Variants in PDE4A observed in about 807,000 individuals in gnomAD.
The protein encoded by PDE4A is 3',5'-cyclic-AMP phosphodiesterase 4A.
In PDE4A, 21 loss-of-function variants were observed where a neutral mutation model predicts 73.9. That is an observed-to-expected ratio of 0.28 (90% CI 0.20 to 0.41). The LOEUF (loss-of-function observed/expected upper bound fraction) is 0.41. Among genes scored for constraint, PDE4A ranks in the 10% least tolerant of loss-of-function variants. PDE4A has a pLI of 1.00. For missense variants in PDE4A, 958 were observed against 1,211.4 expected (o/e 0.79, Z 3.10); for synonymous variants, 463 against 505.4 (o/e 0.92, Z 1.13).
chr19:10,462,683 C>G (rs2043293761), intron 13 of PDE4A, among the ~76,000 whole-genome samples: 1 of 152,100 alleles, frequency 6.6e-6, no homozygotes, highest in African/African-American at 2.4e-5. Flanking sequence ...TCCCATCTCT[C>G]CCACCATTTC....
chr19:10,444,403 C>T lies in PDE4A; in HGVS notation c.321-1815C>T, dbSNP rs534273207. 2.6e-5 allele frequency among the ~76,000 whole-genome samples: 4 copies of T among 151,400 alleles called. No homozygotes were observed. The East Asian group carries it at 7.8e-4, about 30-fold the overall frequency. On this transcript the variant is annotated intron_variant, in intron 1 of 14. Transcript: ENST00000380702. ...ATCCCAGCTACTCGGGAGACTAAGG[C>T]AGGAAAATCGCTTGAACCCAGGAGG...
intron 7 of PDE4A, among the ~76,000 whole-genome samples, chr19:10,455,170 A>G (rs543764359): frequency 1.3e-5 from 2 of 152,236 alleles, no homozygotes; most frequent in East Asian, 3.9e-4. Context: ...AAACTTTAAA[A>G]AGCCTCCAAG....
intron 2 of PDE4A, among the ~76,000 whole-genome samples, chr19:10,448,634 TAAA>T (rs573277641): frequency 1.5e-5 from 2 of 134,608 alleles, no homozygotes; most frequent in Non-Finnish European, 1.6e-5. Context: ...AGACTCTGTC[TAAA>T]AAAAAAAAAA....
chr19:10,443,612 G>C (rs1286147899), intron 1 of PDE4A, among the ~76,000 whole-genome samples: 1 of 152,028 alleles, frequency 6.6e-6, no homozygotes, highest in Non-Finnish European at 1.5e-5. Flanking sequence ...TACTTGGGAG[G>C]TGGAGGTGGA....
In PDE4A at chr19:10,439,982, C is replaced by CTTTTT. The variant is rs1162121051; in HGVS notation, c.321-6220_321-6216dup. ...CCTAATAGGCGTGACATGGTATCTC[C>CTTTTT]TTTTTTTTTTTTTTTTTTTTGAGAC... On this transcript the variant is annotated intron_variant, in intron 1 of 14. Coordinates refer to ENST00000380702, the MANE Select transcript of PDE4A (RefSeq NM_001111307.2). Among the ~76,000 whole-genome samples, 775 of 113,954 alleles carry CTTTTT rather than the reference C, an allele frequency of 6.8e-3. 14 individuals carry two copies. Among genetic ancestry groups the CTTTTT allele is most frequent in the East Asian group, 0.016 (56 of 3,530 alleles). 74.8% of individuals were successfully genotyped at this position (113,954 alleles called of 152,430 possible). A position where few individuals can be genotyped will look rare whatever the true frequency, so the allele number is the denominator to read the frequency against.
intron 1 of PDE4A, among the ~76,000 whole-genome samples, chr19:10,439,434 G>A (rs1270542759): frequency 2.6e-5 from 4 of 152,180 alleles, no homozygotes; most frequent in African/African-American, 7.2e-5. Context: ...TGCCCGCCTC[G>A]GCCTCCCAAA....
intron 1 of PDE4A, among the ~76,000 whole-genome samples, chr19:10,431,651 C>G (rs1449054648): frequency 2.0e-5 from 3 of 152,212 alleles, no homozygotes; most frequent in Non-Finnish European, 4.4e-5. Flanking sequence ...CTGGCTGGCC[C>G]TGGGGGCTTC....
chr19:10,461,751 T>C (rs1328520609), intron 12 of PDE4A, 71 bp downstream of exon 12: 21 of 1,593,288 alleles, frequency 1.3e-5, no homozygotes, highest in Non-Finnish European at 1.8e-5. Context: ...GAGGAGTGGG[T>C]CTGAGTCCCA....
rs542709412 is a variant in PDE4A, at chr19:10,462,619, A to G, written c.1743+620A>G. On this transcript the variant is annotated intron_variant, in intron 13 of 14. Transcript: ENST00000380702. ...TAGCTGGCGTGAGCCACCACACCTG[A>G]CCTCTTTCTGTCTGTCCCCTTCTCC... Among the ~76,000 whole-genome samples, 15 of 151,314 alleles carry G rather than the reference A, an allele frequency of 9.9e-5. No individual in the cohort carries two copies. In the South Asian group the frequency reaches 1.9e-3, roughly 19 times the overall value.
intron 1 of PDE4A, among the ~76,000 whole-genome samples, chr19:10,441,615 A>G (rs1322833435): frequency 6.6e-6 from 1 of 151,470 alleles, no homozygotes; most frequent in African/African-American, 2.4e-5. Context: ...TGCCAGATCT[A>G]ATGTCATGAA....
intron 11 of PDE4A, among the ~76,000 whole-genome samples, 171 bp downstream of exon 11, chr19:10,461,274 G>T (rs1221937147): frequency 6.9e-6 from 1 of 144,322 alleles, no homozygotes; most frequent in Non-Finnish European, 1.5e-5. Context: ...GGGCTGGCTG[G>T]GCTGGAAAGG....
rs866991084 is a variant in PDE4A at position 10,465,762 on chromosome 19, G to A, written c.1927-1125G>A. Among the ~76,000 whole-genome samples, 60 of 122,576 alleles carry A rather than the reference G, an allele frequency of 4.9e-4. 1 individual carries two copies. The highest frequency in any genetic ancestry group is 2.9e-4 in the South Asian group (1 of 3,498). 80.4% of individuals were successfully genotyped at this position (122,576 alleles called of 152,430 possible). On this transcript the variant is annotated intron_variant, in intron 14 of 14. Coordinates refer to ENST00000380702, the MANE Select transcript of PDE4A (RefSeq NM_001111307.2). ...GTTCCCCAGGCTGGAGTGCAATGGC[G>A]CGATCTTGGCTCACTGCAACCTCTG...
At position 10,453,105 on chromosome 19, in the gene PDE4A, A is replaced by C; in HGVS notation, c.784-1724A>C. 7.5e-7 allele frequency: 1 copy of C among 1,332,390 alleles called. No homozygotes were observed. Among genetic ancestry groups the C allele is most frequent in the Non-Finnish European group, 9.6e-7 (1 of 1,042,072 alleles). 82.5% of individuals were successfully genotyped at this position (1,332,390 alleles called of 1,614,324 possible). A position where few individuals can be genotyped will look rare whatever the true frequency, so the allele number is the denominator to read the frequency against. On this transcript the variant is annotated intron_variant, in intron 6 of 14. Transcript: ENST00000380702. The surrounding 1 kb of genome is among the most constrained non-coding windows in gnomAD (Gnocchi z 4.6). ...GGCTGCTGCTGGGAGCGCGGAGGGGAAGGGAGCCCCCAGCCCTGCTGGGCC... is the reference window on the plus strand; with the variant it reads ...GGCTGCTGCTGGGAGCGCGGAGGGGCAGGGAGCCCCCAGCCCTGCTGGGCC...
At chr19:10,433,484 A>T (rs1045054315) in intron 1 of PDE4A, among the ~76,000 whole-genome samples, 1 of 152,174 alleles carries the variant, frequency 6.6e-6, no homozygotes, top group Admixed American at 6.5e-5. Flanking sequence ...GGGGTCAGGG[A>T]CTGTCACAGT....
chr19:10,461,287 A>C (rs1355110708), intron 11 of PDE4A, among the ~76,000 whole-genome samples, 184 bp downstream of exon 11: 1 of 44,588 alleles, frequency 2.2e-5, no homozygotes, highest in East Asian at 6.1e-4. Context: ...TGGAAAGGGG[A>C]TGGCCGGGCA....
chr19:10,417,528 G>T, upstream of PDE4A: 4 of 1,436,818 alleles, frequency 2.8e-6, no homozygotes, highest in Non-Finnish European at 3.7e-6. Flanking sequence ...TCAGCGAGTG[G>T]CTCACACGTG....
At chr19:10,463,698 G>A in intron 13 of PDE4A, 95 bp from the exon 14 acceptor site, 1 of 1,564,778 alleles carries the variant, frequency 6.4e-7, no homozygotes, top group Non-Finnish European at 8.7e-7. Context: ...ACAGTGCCTG[G>A]CCCCCATTTC....
intron 1 of PDE4A, among the ~76,000 whole-genome samples, chr19:10,439,371 T>C (rs144344693): frequency 0.01 from 1,563 of 151,574 alleles, 17 homozygotes; most frequent in Non-Finnish European, 0.016. Flanking sequence ...TAGTAGAGAT[T>C]GGGTTTCACC....
intron 13 of PDE4A, 66 bp from the exon 14 acceptor site, chr19:10,463,727 C>T (rs2043315328): frequency 6.3e-7 from 1 of 1,590,586 alleles, no homozygotes; most frequent in African/African-American, 1.3e-5. Flanking sequence ...GAAGGAATGC[C>T]TGAGGTCTCA....
Sources: gnomAD v4.1 joint callset for allele counts (sites outside exome capture counted in the v4.1 genomes callset) on GRCh38, gnomAD v4.1.1 for gene constraint, Gnocchi (gnomAD v3.1) non-coding constraint, MANE v1.5 for transcripts, NCBI Gene and HGNC (gene_info 2026-07-23, HGNC 2026-07-21) for gene names.